Variants in ULK4 observed in about 807,000 individuals in gnomAD.
ULK4 encodes inactive serine/threonine-protein kinase ULK4.
ULK4 carries 133 observed loss-of-function variants against 160.6 expected under a neutral mutation model. The ratio of observed to expected loss-of-function variants is 0.83; its 90% CI spans 0.72 to 0.96. The LOEUF (loss-of-function observed/expected upper bound fraction) is 0.96. Among genes scored for constraint, ULK4 ranks in the 40% least tolerant of loss-of-function variants. ULK4 has a pLI of 0.00. For missense variants in ULK4, 1,580 were observed against 1,499.5 expected, an observed-to-expected ratio of 1.05 and a Z score of -0.89; for synonymous variants, 534 against 539.8, an observed-to-expected ratio of 0.99 and a Z score of 0.15.
chr3:41,899,326 A>C (rs1698272966), intron 13 of ULK4: 1 of 152,260 alleles, frequency 6.6e-6, no homozygotes, highest in African/African-American at 2.4e-5. Context: ...CATTAAGAGC[A>C]GCTGGGCAAA....
chr3:41,672,179 A>G (rs1376976206), intron 29 of ULK4, among the ~76,000 whole-genome samples: 4 of 152,192 alleles, frequency 2.6e-5, no homozygotes, highest in Non-Finnish European at 4.4e-5. Flanking sequence ...AAAACTTAAA[A>G]TAGAACTACC....
At chr3:41,300,403 A>G (rs2171414) in intron 35 of ULK4, among the ~76,000 whole-genome samples, 3,200 of 152,270 alleles carry the variant, frequency 0.021, 74 homozygotes, top group African/African-American at 0.065. Context: ...GAATATGCAT[A>G]AGTTTCCGCT....
At chr3:41,686,622 A>G (rs1367823128) in intron 27 of ULK4, among the ~76,000 whole-genome samples, 1 of 152,202 alleles carries the variant, frequency 6.6e-6, no homozygotes, top group African/African-American at 2.4e-5. Flanking sequence ...AATTAAAAGA[A>G]AAGATTTGCT....
At chr3:41,348,260 AAT>A (rs1286169199) in intron 35 of ULK4, among the ~76,000 whole-genome samples, 1 of 151,624 alleles carries the variant, frequency 6.6e-6, no homozygotes, top group Non-Finnish European at 1.5e-5. Flanking sequence ...TGGCAAAAAG[AAT>A]AAGATTTCAA....
chr3:41,958,289 C>G (rs1474568567), intron 1 of ULK4, among the ~76,000 whole-genome samples: 3 of 152,044 alleles, frequency 2.0e-5, no homozygotes, highest in Non-Finnish European at 4.4e-5. Context: ...TGGTGCACAA[C>G]AATGTAACTG....
In ULK4 at chr3:41,754,456, G is replaced by A; in HGVS notation, c.2226C>T (p.Asp742=). ...TTGCTCTAATGCATGTTGAGGGGCT[G>A]TCAAGTAAACGGATAATTGTGGAGA... is the stretch of plus-strand genomic sequence containing the variant. ...GFVSTIIRLL[D]SPSTCIRAKA... The change falls in exon 22 of 37, where the codon GAC becomes GAT. Residue 742 remains aspartate (D), a synonymous_variant. Coordinates refer to ENST00000301831, the MANE Select transcript of ULK4 (RefSeq NM_017886.4). 1 of 1,613,516 alleles carries A rather than the reference G, an allele frequency of 6.2e-7. No individual in the cohort carries two copies. The highest frequency in any genetic ancestry group is 1.7e-5 in the Admixed American group (1 of 59,932).
chr3:41,484,778 T>C (rs1024334631), intron 32 of ULK4, among the ~76,000 whole-genome samples: 3 of 152,250 alleles, frequency 2.0e-5, no homozygotes, highest in African/African-American at 7.2e-5. Context: ...GCAGGCTTAA[T>C]TTCCTCATTT....
chr3:41,642,232 A>T (rs1441568837), intron 30 of ULK4, among the ~76,000 whole-genome samples: 1 of 152,120 alleles, frequency 6.6e-6, no homozygotes, highest in East Asian at 1.9e-4. Flanking sequence ...GTACATGTGC[A>T]CAACGTGCAG....
chr3:41,935,764 A>C (rs1442709790), intron 4 of ULK4, 37 bp downstream of exon 4: 1 of 1,583,050 alleles, frequency 6.3e-7, no homozygotes, highest in South Asian at 1.2e-5. Flanking sequence ...AATTTGAGAC[A>C]GAAGCAGTTA....
At chr3:41,762,017 G>A (rs1442470457) in intron 21 of ULK4, among the ~76,000 whole-genome samples, 1 of 152,082 alleles carries the variant, frequency 6.6e-6, no homozygotes, top group African/African-American at 2.4e-5. Context: ...CCAGGAGGTC[G>A]AGGCTACAGT....
At position 41,773,222 on chromosome 3, in the gene ULK4, G is replaced by A. The variant is rs552328221; in HGVS notation, c.2193+16439C>T. Among the ~76,000 whole-genome samples the A allele has an allele frequency of 2.8e-4, 43 of 152,264 alleles. No homozygotes were observed. The South Asian group carries it at 4.6e-3, about 16-fold the overall frequency. On this transcript the variant is annotated intron_variant, in intron 21 of 36. Coordinates refer to ENST00000301831, the MANE Select transcript of ULK4 (RefSeq NM_017886.4). ...CATAGTGTTGGAAGTTCTGGCCAGGGCAATCAGGCAGGAGAAGGAAATAAA... is the reference window on the plus strand; with the variant it reads ...CATAGTGTTGGAAGTTCTGGCCAGGACAATCAGGCAGGAGAAGGAAATAAA...
chr3:41,621,593 C>A (rs1047957689), intron 30 of ULK4, among the ~76,000 whole-genome samples: 4 of 152,168 alleles, frequency 2.6e-5, no homozygotes, highest in Non-Finnish European at 5.9e-5. Flanking sequence ...CCCTTCCTTA[C>A]ACTTTATACA....
intron 35 of ULK4, among the ~76,000 whole-genome samples, chr3:41,386,712 T>C (rs2081820774): frequency 6.6e-6 from 1 of 152,182 alleles, no homozygotes. Flanking sequence ...CCTCTTGCAA[T>C]GGTTCTGGAT....
In ULK4 at chr3:41,347,618, A is replaced by G. The variant is rs73831331; in HGVS notation, c.3678+50461T>C. On this transcript the variant is annotated intron_variant, in intron 35 of 36. Transcript: ENST00000301831. Reference sequence around the variant, plus strand: ...TCCTCACGTGATTCCTCCTATCTGGAATGCTCTTCCTGCCACATCTGCATG... The same window carrying G: ...TCCTCACGTGATTCCTCCTATCTGGGATGCTCTTCCTGCCACATCTGCATG... 2.5e-3 allele frequency among the ~76,000 whole-genome samples: 387 copies of G among 152,092 alleles called. 2 individuals carry two copies. Among genetic ancestry groups the G allele is most frequent in the African/African-American group, 9.0e-3 (375 of 41,476 alleles).
At chr3:41,844,402 G>A (rs1001156101) in intron 17 of ULK4, among the ~76,000 whole-genome samples, 12 of 152,254 alleles carry the variant, frequency 7.9e-5, no homozygotes, top group Middle Eastern at 3.4e-3. Context: ...CTCCGCAGCC[G>A]CTGGCCCAGG....
intron 32 of ULK4, among the ~76,000 whole-genome samples, chr3:41,525,077 T>C (rs1190610515): frequency 6.6e-6 from 1 of 152,192 alleles, no homozygotes; most frequent in African/African-American, 2.4e-5. Flanking sequence ...CAAATAAATA[T>C]TTCAGTTCCT....
chr3:41,867,616 A>G (rs1270845937), intron 17 of ULK4, among the ~76,000 whole-genome samples: 3 of 152,190 alleles, frequency 2.0e-5, no homozygotes, highest in Non-Finnish European at 4.4e-5. Context: ...GCCTCAAGTG[A>G]TCTGCCCGCC....
At chr3:41,430,997 G>A (rs906766754) in intron 34 of ULK4, among the ~76,000 whole-genome samples, 1 of 152,150 alleles carries the variant, frequency 6.6e-6, no homozygotes, top group African/African-American at 2.4e-5. Context: ...CCTAGGAATT[G>A]TATATTGTTG....
chr3:41,353,954 G>A (rs1004990584), intron 35 of ULK4, among the ~76,000 whole-genome samples: 4 of 152,174 alleles, frequency 2.6e-5, no homozygotes, highest in Admixed American at 6.5e-5. Context: ...TCACAAAGGT[G>A]GCCTGCTACC....
Sources: allele counts gnomAD v4.1 joint callset (sites outside exome capture counted in the v4.1 genomes callset), GRCh38; gene constraint gnomAD v4.1.1; transcripts MANE v1.5; gene names NCBI Gene and HGNC (gene_info 2026-07-23, HGNC 2026-07-21).